MKLN1: variants seen among roughly 807,000 people sequenced by gnomAD.
The protein encoded by MKLN1 is muskelin.
Under a neutral mutation model 99.0 loss-of-function variants are expected in MKLN1, and 18 were observed. The observed-to-expected ratio is 0.18, with a 90% confidence interval of 0.13 to 0.27. The LOEUF (loss-of-function observed/expected upper bound fraction) is 0.27. Ranked by LOEUF, MKLN1 falls within the 10% of genes least tolerant of loss-of-function variation. The pLI, the probability that MKLN1 is intolerant of heterozygous loss-of-function variation, is 1.00. For missense variants in MKLN1, 621 were observed against 875.9 expected (o/e 0.71, Z 3.67); for synonymous variants, 288 against 293.2 (o/e 0.98, Z 0.18).
Position 131,445,834 on chromosome 7 carries a change from T to C in MKLN1, c.1456T>C (p.Phe486Leu). Residue 486 changes from phenylalanine (F) to leucine (L), a missense_variant, in exon 12 of 18, where the codon TTT becomes CTT. By Grantham distance (22) the Phe-to-Leu change is conservative (BLOSUM62 0). This residue lies in a region of MKLN1 where 361 missense variants were observed against 540.8 expected (regional missense o/e 0.67). Transcript: ENST00000352689. ...QRSKTYLNDF[F>L]SYDVDSDHVD... ...ATCAAAGACCTATTTGAATGATTTCTTTAGTTATGATGTGGACTCTGATCA... is the reference window on the plus strand; with the variant it reads ...ATCAAAGACCTATTTGAATGATTTCCTTAGTTATGATGTGGACTCTGATCA... The C allele has an allele frequency of 1.2e-6, 2 of 1,610,470 alleles. No individual in the cohort carries two copies. The highest frequency in any genetic ancestry group is 1.7e-6 in the Non-Finnish European group (2 of 1,177,542).
chr7:131,284,718 G>A (rs1242776002), intron 3 of MKLN1, among the ~76,000 whole-genome samples: 3 of 152,186 alleles, frequency 2.0e-5, no homozygotes, highest in Non-Finnish European at 4.4e-5. Context: ...AGCTGTCAGG[G>A]CTTGCATACG....
chr7:131,410,733 G>A (rs1794849432), intron 6 of MKLN1, among the ~76,000 whole-genome samples: 1 of 152,154 alleles, frequency 6.6e-6, no homozygotes. Flanking sequence ...AGTGGTGGGA[G>A]ATCACAAAAA....
chr7:131,194,102 G>A (rs560993746), intron 2 of MKLN1, among the ~76,000 whole-genome samples: 31 of 148,638 alleles, frequency 2.1e-4, no homozygotes, highest in Admixed American at 6.8e-4. Flanking sequence ...CATCCACCTC[G>A]GCCTCTCAAA....
chr7:131,481,998 A>G (rs1054984485), intron 17 of MKLN1, among the ~76,000 whole-genome samples: 6 of 152,198 alleles, frequency 3.9e-5, no homozygotes, highest in Non-Finnish European at 1.5e-5. Context: ...GATCTCGGAG[A>G]AAATCTCCAA....
intron 3 of MKLN1, among the ~76,000 whole-genome samples, chr7:131,228,339 A>G (rs1442422889): frequency 1.3e-5 from 2 of 152,158 alleles, no homozygotes; most frequent in Non-Finnish European, 2.9e-5. Flanking sequence ...TCTTGAGCTC[A>G]AGATCTGGGC....
At position 131,444,138 on chromosome 7, in the gene MKLN1, C is replaced by A. The variant is rs369580825; in HGVS notation, c.1395+436C>A. ...GTCAGGAGCAGTGGATCACTTGATT[C>A]CAGAAGTTTGAGACGAGCCTGGCCA... is the stretch of plus-strand genomic sequence containing the variant. On this transcript the variant is annotated intron_variant, in intron 11 of 17. Transcript: ENST00000352689. 2.0e-3 allele frequency among the ~76,000 whole-genome samples: 311 copies of A among 152,098 alleles called. 13 individuals carry two copies. The South Asian group carries it at 0.062, about 30-fold the overall frequency.
rs1348558552 is a variant in MKLN1 at position 131,445,912 on chromosome 7, AT to A, written c.1525+11del. The A allele has an allele frequency of 6.4e-7, 1 of 1,567,004 alleles. No individual in the cohort carries two copies. The highest frequency in any genetic ancestry group is 8.7e-7 in the Non-Finnish European group (1 of 1,152,052). On this transcript the variant is annotated intron_variant, in intron 12 of 17. Transcript: ENST00000352689. ...GAAAGACTCTGGGATGGGTAAGGGC[AT>A]TGAGTGATTTCTTCTCTCATGTCTT...
At chr7:131,450,839 G>T (rs1250757934) in intron 12 of MKLN1, among the ~76,000 whole-genome samples, 2 of 152,136 alleles carry the variant, frequency 1.3e-5, no homozygotes, top group Non-Finnish European at 2.9e-5. Context: ...CATTGTTAAC[G>T]CAATTCTAGG....
intron 3 of MKLN1, among the ~76,000 whole-genome samples, chr7:131,317,676 A>G (rs750367167): frequency 1.1e-4 from 16 of 151,814 alleles, no homozygotes; most frequent in Non-Finnish European, 1.9e-4. Flanking sequence ...GGATAGAGTC[A>G]AGACCCATCA....
chr7:131,199,878 A>G (rs1179047965), intron 2 of MKLN1, among the ~76,000 whole-genome samples: 1 of 151,904 alleles, frequency 6.6e-6, no homozygotes, highest in East Asian at 1.9e-4. Flanking sequence ...AATATTTTTT[A>G]GAGGAGACGG....
Position 131,444,107 on chromosome 7 carries a change from G to A in MKLN1, c.1395+405G>A, listed in dbSNP as rs546930471. On this transcript the variant is annotated intron_variant, in intron 11 of 17. Transcript: ENST00000352689. Reference sequence around the variant, plus strand: ...ATAGAATTAGAATTTAAATGTATCAGCAATGGTCAGGAGCAGTGGATCACT... The same window carrying A: ...ATAGAATTAGAATTTAAATGTATCAACAATGGTCAGGAGCAGTGGATCACT... 3.9e-5 allele frequency among the ~76,000 whole-genome samples: 6 copies of A among 152,128 alleles called. No individual in the cohort carries two copies. In the East Asian group the frequency reaches 9.8e-4, roughly 25 times the overall value.
chr7:131,146,158 G>T (rs1795812696), intron 2 of MKLN1, among the ~76,000 whole-genome samples: 1 of 152,110 alleles, frequency 6.6e-6, no homozygotes, highest in Admixed American at 6.5e-5. Context: ...CAGGCAGTCA[G>T]ATCCCAAACC....
rs1796433821 is a variant in MKLN1, at chr7:131,185,380, C to A, written c.-296-17477C>A. Among the ~76,000 whole-genome samples, 3 of 151,096 alleles carry A rather than the reference C, an allele frequency of 2.0e-5. No individual in the cohort carries two copies. In the South Asian group the frequency reaches 6.3e-4, roughly 32 times the overall value. On this transcript the variant is annotated intron_variant, in intron 2 of 7. Coordinates refer to the MKLN1 transcript ENST00000416992. ...ATCACCTGAGGTCAGAAGTTCGAGACCAGCCTGACCAACATGGTGAAACCT... is the reference window on the plus strand; with the variant it reads ...ATCACCTGAGGTCAGAAGTTCGAGAACAGCCTGACCAACATGGTGAAACCT...
At chr7:131,484,538 A>C (rs1584789710) in intron 17 of MKLN1, among the ~76,000 whole-genome samples, 1 of 152,170 alleles carries the variant, frequency 6.6e-6, no homozygotes, top group Non-Finnish European at 1.5e-5. Context: ...TAAAGTACCT[A>C]CCACACAGGA....
chr7:131,267,453 C>T (rs1010496468), intron 3 of MKLN1, among the ~76,000 whole-genome samples: 5 of 152,150 alleles, frequency 3.3e-5, no homozygotes, highest in Admixed American at 6.6e-5. Context: ...CTGTAAACAC[C>T]CCCAGGATAG....
intron 15 of MKLN1, among the ~76,000 whole-genome samples, chr7:131,467,991 T>C (rs958478639): frequency 1.3e-5 from 2 of 152,130 alleles, no homozygotes; most frequent in Non-Finnish European, 2.9e-5. Context: ...TTGTGAGTCA[T>C]GGGAGAAGGA....
At chr7:131,424,166 A>G (rs1795288097) in intron 8 of MKLN1, among the ~76,000 whole-genome samples, 1 of 152,130 alleles carries the variant, frequency 6.6e-6, no homozygotes, top group African/African-American at 2.4e-5. Context: ...CTATCTAAAT[A>G]TTATAGAGTT....
In MKLN1 at chr7:131,288,391, C is replaced by T. The variant is rs190816445; in HGVS notation, c.-179+85417C>T. Among the ~76,000 whole-genome samples the T allele has an allele frequency of 4.1e-4, 62 of 152,242 alleles. No individual in the cohort carries two copies. In the East Asian group the frequency reaches 0.011, roughly 26 times the overall value. On this transcript the variant is annotated intron_variant, in intron 3 of 7. Coordinates refer to the MKLN1 transcript ENST00000416992. ...ACTCGACCTTGGGTGCCTCAGTATC[C>T]GCTTAAGTTCCCACCACCCTCCCTA...
At chr7:131,182,605 T>C (rs2116362451) in intron 2 of MKLN1, among the ~76,000 whole-genome samples, 1 of 152,072 alleles carries the variant, frequency 6.6e-6, no homozygotes. Flanking sequence ...ATTCTGTTAC[T>C]ATAGAGAGAT....
Sources: gnomAD v4.1 joint callset for allele counts (sites outside exome capture counted in the v4.1 genomes callset) on GRCh38, gnomAD v4.1.1 for gene constraint, gnomAD v4.1.1 regional missense constraint, MANE v1.5 for transcripts, NCBI Gene and HGNC (gene_info 2026-07-23, HGNC 2026-07-21) for gene names.